Variants in AGBL4 observed in about 807,000 individuals in gnomAD.
AGBL4 encodes the protein AGBL carboxypeptidase 4.
A neutral mutation model predicts 66.4 loss-of-function variants in AGBL4; 58 were observed. The ratio of observed to expected loss-of-function variants is 0.87; its 90% CI spans 0.71 to 1.09. The LOEUF (loss-of-function observed/expected upper bound fraction) is 1.09, where lower values mean the gene tolerates loss of function less well. Ranked by LOEUF, AGBL4 falls within the 50% of genes least tolerant of loss-of-function variation. AGBL4 has a pLI of 0.00. For missense variants in AGBL4, 579 were observed against 631.0 expected (o/e 0.92, Z 0.88); for synonymous variants, 234 against 222.9 (o/e 1.05, Z -0.44).
intron 6 of AGBL4, among the ~76,000 whole-genome samples, chr1:48,817,331 C>T (rs577810538): frequency 4.6e-5 from 7 of 152,146 alleles, no homozygotes; most frequent in Admixed American, 1.3e-4. Flanking sequence ...ATACAAAGAA[C>T]GTAACATAAT....
At chr1:49,489,657 T>C (rs1009536908) in intron 3 of AGBL4, among the ~76,000 whole-genome samples, 1 of 151,906 alleles carries the variant, frequency 6.6e-6, no homozygotes, top group Non-Finnish European at 1.5e-5. Context: ...GTAGCAATTT[T>C]ATAGTTTGAA....
At chr1:48,966,052 A>C (rs1399245817) in intron 5 of AGBL4, among the ~76,000 whole-genome samples, 1 of 151,962 alleles carries the variant, frequency 6.6e-6, no homozygotes. Flanking sequence ...TCTCACCCTC[A>C]TTTTTCTTCC....
intron 2 of AGBL4, among the ~76,000 whole-genome samples, chr1:49,702,031 G>C (rs978694355): frequency 1.3e-5 from 2 of 151,816 alleles, no homozygotes; most frequent in Non-Finnish European, 2.9e-5. Context: ...AAAGTATGTT[G>C]TCTGGAAAGA....
chr1:49,939,181 C>A (rs1390258408), intron 1 of AGBL4, among the ~76,000 whole-genome samples: 3 of 151,730 alleles, frequency 2.0e-5, no homozygotes, highest in Non-Finnish European at 2.9e-5. Flanking sequence ...AACTACAAAC[C>A]ACTGCTCAAT....
Position 49,637,035 on chromosome 1 carries a change from C to T in AGBL4, c.282+60278G>A, listed in dbSNP as rs368674225. ...GACAGAAAAATGTGAAAAGACTAGACTGGCCTAGCCTCCCAGCCTACATCT... is the reference window on the plus strand; with the variant it reads ...GACAGAAAAATGTGAAAAGACTAGATTGGCCTAGCCTCCCAGCCTACATCT... On this transcript the variant is annotated intron_variant, in intron 3 of 13. Coordinates refer to ENST00000371839, the MANE Select transcript of AGBL4 (RefSeq NM_032785.4). 2.6e-5 allele frequency among the ~76,000 whole-genome samples: 4 copies of T among 152,156 alleles called. No individual in the cohort carries two copies. The East Asian group carries it at 5.8e-4, about 22-fold the overall frequency.
chr1:48,674,084 A>G (rs1304747175), intron 6 of AGBL4, among the ~76,000 whole-genome samples: 2 of 151,988 alleles, frequency 1.3e-5, no homozygotes, highest in African/African-American at 4.8e-5. Context: ...CTCGCCTCTT[A>G]CTGTTGTTTC....
At chr1:48,999,680 A>G (rs1661258635) in intron 5 of AGBL4, among the ~76,000 whole-genome samples, 1 of 152,052 alleles carries the variant, frequency 6.6e-6, no homozygotes, top group East Asian at 1.9e-4. Context: ...GGTCTCTACA[A>G]TTGGGTGGGA....
chr1:49,137,808 A>G (rs536498531), intron 4 of AGBL4, among the ~76,000 whole-genome samples: 1 of 152,136 alleles, frequency 6.6e-6, no homozygotes, highest in Non-Finnish European at 1.5e-5. Context: ...CTTCTCAGAC[A>G]TTTAAATCAA....
rs563495843 is a variant in AGBL4 at position 49,860,542 on chromosome 1, T to G, written c.35-9024A>C. The stretch of plus-strand genomic sequence containing the variant: ...GCAAAACTGCATCTCAACGAAAAAT[T>G]TTAAAAGTTAGCTGGCAGTGGTGGC... On this transcript the variant is annotated intron_variant, in intron 1 of 13. Coordinates refer to ENST00000371839, the MANE Select transcript of AGBL4 (RefSeq NM_032785.4). 2.6e-5 allele frequency among the ~76,000 whole-genome samples: 4 copies of G among 151,960 alleles called. No homozygotes were observed. The East Asian group carries it at 7.8e-4, about 29-fold the overall frequency.
chr1:48,665,298 G>T (rs1181649679), intron 6 of AGBL4, among the ~76,000 whole-genome samples: 1 of 152,168 alleles, frequency 6.6e-6, no homozygotes, highest in Non-Finnish European at 1.5e-5. Flanking sequence ...AGCATTTCCT[G>T]GACTGAATAT....
At chr1:49,739,000 C>A (rs1319356861) in intron 2 of AGBL4, among the ~76,000 whole-genome samples, 2 of 152,222 alleles carry the variant, frequency 1.3e-5, no homozygotes, top group African/African-American at 4.8e-5. Context: ...CAGAGCGCCT[C>A]TCCTCCTCCA....
At chr1:48,558,513 C>A (rs1431630923) in intron 11 of AGBL4, among the ~76,000 whole-genome samples, 1 of 152,200 alleles carries the variant, frequency 6.6e-6, no homozygotes, top group Non-Finnish European at 1.5e-5. Flanking sequence ...CACTGATATA[C>A]CTCTTTCCAC....
intron 4 of AGBL4, among the ~76,000 whole-genome samples, chr1:49,177,911 A>G (rs531792350): frequency 2.0e-5 from 3 of 152,188 alleles, no homozygotes; most frequent in Non-Finnish European, 2.9e-5. Flanking sequence ...GAAACAATAA[A>G]TACCTTTTCC....
chr1:49,477,318 T>G (rs1646866338), intron 3 of AGBL4, among the ~76,000 whole-genome samples: 1 of 152,110 alleles, frequency 6.6e-6, no homozygotes, highest in Non-Finnish European at 1.5e-5. Context: ...TGATGGTGAC[T>G]GCAGAGGTTT....
At chr1:48,885,344 G>A (rs1471365272) in intron 5 of AGBL4, among the ~76,000 whole-genome samples, 1 of 152,124 alleles carries the variant, frequency 6.6e-6, no homozygotes, top group Admixed American at 6.5e-5. Context: ...GAGTAGTTGT[G>A]GCAGAGATTG....
At chr1:48,703,894 C>A (rs1278777078) in intron 6 of AGBL4, among the ~76,000 whole-genome samples, 1 of 152,188 alleles carries the variant, frequency 6.6e-6, no homozygotes, top group African/African-American at 2.4e-5. Flanking sequence ...TAGATACACA[C>A]CCATGCATTG....
chr1:49,120,275 G>T (rs1052322194), intron 4 of AGBL4, among the ~76,000 whole-genome samples: 7 of 152,112 alleles, frequency 4.6e-5, no homozygotes, highest in African/African-American at 1.7e-4. Context: ...AGCATTGATG[G>T]TCTTTACAAT....
intron 1 of AGBL4, among the ~76,000 whole-genome samples, chr1:49,938,911 T>C (rs933965572): frequency 6.6e-6 from 1 of 152,028 alleles, no homozygotes; most frequent in African/African-American, 2.4e-5. Context: ...GAAGTCAAAT[T>C]GTCCCTCTTT....
intron 11 of AGBL4, chr1:48,586,015 T>C (rs1644813607): frequency 6.6e-6 from 1 of 152,230 alleles, no homozygotes. Context: ...CTAAAGTTCC[T>C]TCCTCCTCCC....
Sources: gnomAD v4.1 joint callset for allele counts (sites outside exome capture counted in the v4.1 genomes callset) on GRCh38, gnomAD v4.1.1 for gene constraint, MANE v1.5 for transcripts, NCBI Gene and HGNC (gene_info 2026-07-23, HGNC 2026-07-21) for gene names.